The following AFAP1L2 variants were observed in gnomAD, a reference collection of about 807,000 sequenced individuals.
The protein encoded by AFAP1L2 is actin filament associated protein 1 like 2.
A neutral mutation model predicts 99.3 loss-of-function variants in AFAP1L2; 46 were observed. The ratio of observed to expected loss-of-function variants is 0.46; its 90% CI spans 0.37 to 0.59. The LOEUF is 0.59. Among genes scored for constraint, AFAP1L2 ranks in the 20% least tolerant of loss-of-function variants. The pLI, the probability that AFAP1L2 is intolerant of heterozygous loss-of-function variation, is 0.00. For synonymous variants in AFAP1L2, 397 were observed against 419.1 expected (o/e 0.95, Z 0.64); for missense variants, 959 against 1,034.9 (o/e 0.93, Z 1.01).
intron 1 of AFAP1L2, among the ~76,000 whole-genome samples, chr10:114,366,736 G>A (rs2053319280): frequency 6.6e-6 from 1 of 152,206 alleles, no homozygotes; most frequent in Admixed American, 6.5e-5. Context: ...GGGAGGCCAA[G>A]GCGGTCAGAT....
chr10:114,339,204 A>C (rs1206901209), intron 2 of AFAP1L2, among the ~76,000 whole-genome samples: 1 of 152,122 alleles, frequency 6.6e-6, no homozygotes, highest in Non-Finnish European at 1.5e-5. Flanking sequence ...CACGCCTGTA[A>C]TCCCAGCACT....
At chr10:114,359,988 T>G (rs1024975944) in intron 1 of AFAP1L2, among the ~76,000 whole-genome samples, 1 of 151,976 alleles carries the variant, frequency 6.6e-6, no homozygotes, top group African/African-American at 2.4e-5. Context: ...ACAAAGAGAG[T>G]GTGATGGTTA....
intron 18 of AFAP1L2, 80 bp from the exon 19 acceptor site, chr10:114,296,148 A>G: frequency 1.3e-6 from 2 of 1,586,088 alleles, no homozygotes; most frequent in Non-Finnish European, 1.7e-6. Context: ...CTTGATATAC[A>G]TAGAAAAAAT....
chr10:114,341,275 C>A (rs2048788029), intron 1 of AFAP1L2, among the ~76,000 whole-genome samples: 1 of 152,188 alleles, frequency 6.6e-6, no homozygotes. Flanking sequence ...GGCTTGACTG[C>A]ACGGCTTTAA....
intron 1 of AFAP1L2, among the ~76,000 whole-genome samples, chr10:114,376,429 A>G (rs1590704336): frequency 6.6e-6 from 1 of 152,354 alleles, no homozygotes; most frequent in South Asian, 2.1e-4. Context: ...GATGCTGATG[A>G]TTCTACTAAA....
At chr10:114,291,995 C>A (rs1302802148), downstream of AFAP1L2, among the ~76,000 whole-genome samples, 4 of 152,060 alleles carry the variant, frequency 2.6e-5, no homozygotes, top group Non-Finnish European at 5.9e-5. Context: ...AAAGAGGCTG[C>A]GGCCAGAGAC....
At chr10:114,384,043 A>C (rs945094) in intron 1 of AFAP1L2, among the ~76,000 whole-genome samples, 1 of 151,880 alleles carries the variant, frequency 6.6e-6, no homozygotes, top group East Asian at 1.9e-4. Flanking sequence ...CCAATGACAA[A>C]GGATGCAACA....
chr10:114,360,675 A>AT (rs1431282918), intron 1 of AFAP1L2, among the ~76,000 whole-genome samples: 1 of 152,174 alleles, frequency 6.6e-6, no homozygotes, highest in African/African-American at 2.4e-5. Flanking sequence ...TTTGAAATAC[A>AT]TTTTTTAAAT....
At position 114,297,192 on chromosome 10, in the gene AFAP1L2, G is replaced by A. The variant is rs763951135; in HGVS notation, c.2307+28C>T. ...CCATGTCCAGGGAGCCCTGCAAGCAGCCCAGAGGCCGCAGTTCCAGCACTC... is the reference window on the plus strand; with the variant it reads ...CCATGTCCAGGGAGCCCTGCAAGCAACCCAGAGGCCGCAGTTCCAGCACTC... On this transcript the variant is annotated intron_variant, in intron 17 of 18. Transcript: ENST00000304129. 4.4e-6 allele frequency: 6 copies of A among 1,371,580 alleles called. No homozygotes were observed. The East Asian group carries it at 2.7e-4, about 62-fold the overall frequency. 85.0% of individuals were successfully genotyped at this position (1,371,580 alleles called of 1,614,324 possible). A position where few individuals can be genotyped will look rare whatever the true frequency, so the allele number is the denominator to read the frequency against.
At chr10:114,346,814 C>T (rs1055868235) in intron 1 of AFAP1L2, among the ~76,000 whole-genome samples, 20 of 152,192 alleles carry the variant, frequency 1.3e-4, no homozygotes, top group African/African-American at 4.8e-5. Context: ...CCAAGGCCCA[C>T]GCAGGGCTGG....
intron 4 of AFAP1L2, among the ~76,000 whole-genome samples, chr10:114,324,789 T>C (rs1442092681): frequency 1.3e-5 from 2 of 152,130 alleles, no homozygotes; most frequent in African/African-American, 2.4e-5. Flanking sequence ...GGAAGGACGC[T>C]GCAGTGCCCT....
chr10:114,343,337 C>T (rs866139813), intron 1 of AFAP1L2, among the ~76,000 whole-genome samples: 8 of 152,344 alleles, frequency 5.3e-5, no homozygotes, highest in Middle Eastern at 3.4e-3. Context: ...CTGCTTTCCT[C>T]GTGATCACTC....
downstream of AFAP1L2, among the ~76,000 whole-genome samples, chr10:114,294,589 AT>A (rs1384915666): frequency 4.6e-5 from 7 of 152,206 alleles, no homozygotes; most frequent in African/African-American, 1.4e-4. Context: ...AGGAGTACTG[AT>A]TTTTCATTCA....
chr10:114,351,000 G>T (rs998160037), intron 1 of AFAP1L2, among the ~76,000 whole-genome samples: 1 of 152,176 alleles, frequency 6.6e-6, no homozygotes, highest in Non-Finnish European at 1.5e-5. Context: ...GCCAGCGGGG[G>T]CCAGTTATGC....
chr10:114,313,541 T>G (rs192577622), intron 7 of AFAP1L2, among the ~76,000 whole-genome samples: 4 of 152,292 alleles, frequency 2.6e-5, no homozygotes, highest in Admixed American at 1.3e-4. Context: ...GGGTTAAAGA[T>G]GCTAATAGTC....
intron 1 of AFAP1L2, among the ~76,000 whole-genome samples, chr10:114,374,160 G>A (rs573804418): frequency 2.3e-4 from 35 of 152,078 alleles, no homozygotes; most frequent in African/African-American, 7.5e-4. Context: ...ATGTTTTGTC[G>A]GTTATTTCAT....
In AFAP1L2 at chr10:114,360,582, C is replaced by T. The variant is rs564485448; in HGVS notation, c.17-19851G>A. On this transcript the variant is annotated intron_variant, in intron 1 of 18. Coordinates refer to ENST00000304129, the MANE Select transcript of AFAP1L2 (RefSeq NM_001001936.3). The stretch of plus-strand genomic sequence containing the variant: ...ATAGATAGACGGACAGACAGATAGA[C>T]AGACCGACCTACTGGTTCTGTTTCT... Among the ~76,000 whole-genome samples the T allele has an allele frequency of 4.2e-4, 63 of 151,440 alleles. No homozygotes were observed. In the South Asian group the frequency reaches 0.013, roughly 30 times the overall value.
chr10:114,288,999 C>G, the AFAP1L2 span: 4 of 1,614,114 alleles, frequency 2.5e-6, no homozygotes, highest in South Asian at 1.1e-5. Context: ...CAGTAGGGCC[C>G]GAGAATTTTG....
the AFAP1L2 span, among the ~76,000 whole-genome samples, chr10:114,282,733 C>T: frequency 1.3e-5 from 2 of 152,156 alleles, no homozygotes; most frequent in African/African-American, 4.8e-5. Context: ...GCTCTTGACT[C>T]CCTCAATGGT....
Sources: gnomAD v4.1 joint callset for allele counts (sites outside exome capture counted in the v4.1 genomes callset) on GRCh38, gnomAD v4.1.1 for gene constraint, MANE v1.5 for transcripts, NCBI Gene and HGNC (gene_info 2026-07-23, HGNC 2026-07-21) for gene names.